Variants in DENND1B observed in about 807,000 individuals in gnomAD.
The protein encoded by DENND1B is DENN domain-containing protein 1B.
In DENND1B, 59 loss-of-function variants were observed where a neutral mutation model predicts 90.1. The observed-to-expected ratio is 0.65, with a 90% CI of 0.53 to 0.81. The LOEUF is 0.81. Ranked by LOEUF, DENND1B falls within the 40% of genes least tolerant of loss-of-function variation. The probability of loss-of-function intolerance (pLI) is 0.00; values close to 1 mark genes in which losing one functional copy is unlikely to be tolerated. For missense variants in DENND1B, 862 were observed against 912.6 expected (o/e 0.94, Z 0.71); for synonymous variants, 337 against 324.6 (o/e 1.04, Z -0.41).
At chr1:197,572,988 C>T (rs184333926) in intron 15 of DENND1B, among the ~76,000 whole-genome samples, 2 of 151,916 alleles carry the variant, frequency 1.3e-5, no homozygotes, top group Non-Finnish European at 2.9e-5. Flanking sequence ...TGGTGATATC[C>T]CCTTTATCAT....
chr1:197,720,273 G>A (rs1301892336), intron 2 of DENND1B, among the ~76,000 whole-genome samples: 3 of 151,978 alleles, frequency 2.0e-5, no homozygotes, highest in African/African-American at 7.2e-5. Flanking sequence ...GTCTCACTCT[G>A]TCACCCAGGG....
chr1:197,683,461 C>T (rs771912113), intron 3 of DENND1B, among the ~76,000 whole-genome samples: 1 of 151,820 alleles, frequency 6.6e-6, no homozygotes, highest in Non-Finnish European at 1.5e-5. Flanking sequence ...TGGTGCTGGC[C>T]TGAAATAAGA....
intron 3 of DENND1B, among the ~76,000 whole-genome samples, chr1:197,690,960 A>G (rs1314877503): frequency 6.6e-6 from 1 of 152,024 alleles, no homozygotes; most frequent in African/African-American, 2.4e-5. Flanking sequence ...AAGACGTGAA[A>G]AGTGTAAAGC....
In DENND1B at chr1:197,509,444, G is replaced by A. The variant is rs1667879336; in HGVS notation, c.*1016C>T. Reference sequence around the variant, plus strand: ...GAATATCAATATTGGTTCACTAATTGGGGCAGATGTACCATAGTAACGTAA... The same window carrying A: ...GAATATCAATATTGGTTCACTAATTAGGGCAGATGTACCATAGTAACGTAA... On this transcript the variant is annotated 3_prime_UTR_variant, in exon 23 of 23. Coordinates refer to ENST00000620048, the MANE Select transcript of DENND1B (RefSeq NM_001195215.2). 6.6e-6 allele frequency: 1 copy of A among 151,694 alleles called. No individual in the cohort carries two copies. Among genetic ancestry groups the A allele is most frequent in the Admixed American group, 6.6e-5 (1 of 15,166 alleles). The allele number at this position is 151,694 out of a possible 1,614,324, so 9.4% of individuals were successfully genotyped here. A position where few individuals can be genotyped will look rare whatever the true frequency, so the allele number is the denominator to read the frequency against.
At chr1:197,579,757 T>C (rs1674031281) in intron 15 of DENND1B, among the ~76,000 whole-genome samples, 1 of 152,196 alleles carries the variant, frequency 6.6e-6, no homozygotes, top group Non-Finnish European at 1.5e-5. Flanking sequence ...CAAATATATC[T>C]TCAGCTTAGC....
Position 197,505,253 on chromosome 1 carries a change from AC to A in DENND1B, c.*5206del, listed in dbSNP as rs1252839687. ...CTCAAAATAACGTTATGGAAGTTAC[AC>A]TGTCAGAAGGATGGTGACTTGACAT... On this transcript the variant is annotated 3_prime_UTR_variant, in exon 23 of 23. Coordinates refer to ENST00000620048, the MANE Select transcript of DENND1B (RefSeq NM_001195215.2). The A allele has an allele frequency of 6.6e-6, 1 of 151,736 alleles. No individual in the cohort carries two copies. The highest frequency in any genetic ancestry group is 1.5e-5 in the Non-Finnish European group (1 of 67,808). 9.4% of individuals were successfully genotyped at this position (151,736 alleles called of 1,614,324 possible). A position where few individuals can be genotyped will look rare whatever the true frequency, so the allele number is the denominator to read the frequency against.
At chr1:197,542,878 A>T (rs534755472) in intron 18 of DENND1B, among the ~76,000 whole-genome samples, 1 of 152,232 alleles carries the variant, frequency 6.6e-6, no homozygotes, top group Admixed American at 6.5e-5. Context: ...AATTCACCTG[A>T]AATTAATTTA....
chr1:197,547,133 T>C (rs1670867963), intron 16 of DENND1B, among the ~76,000 whole-genome samples: 1 of 152,158 alleles, frequency 6.6e-6, no homozygotes, highest in Non-Finnish European at 1.5e-5. Flanking sequence ...CCTGGTGTGG[T>C]GGCTCCCACC....
intron 3 of DENND1B, among the ~76,000 whole-genome samples, chr1:197,703,612 G>A (rs1659249250): frequency 6.6e-6 from 1 of 152,036 alleles, no homozygotes. Context: ...GCACACAAGG[G>A]AATAAAATGT....
chr1:197,674,546 C>G (rs1475687585), intron 3 of DENND1B, among the ~76,000 whole-genome samples: 1 of 152,040 alleles, frequency 6.6e-6, no homozygotes, highest in Non-Finnish European at 1.5e-5. Flanking sequence ...CTGACAGATC[C>G]TGGCTCAAAA....
chr1:197,590,474 T>C (rs1195697944), intron 14 of DENND1B, among the ~76,000 whole-genome samples: 1 of 152,184 alleles, frequency 6.6e-6, no homozygotes, highest in Non-Finnish European at 1.5e-5. Flanking sequence ...AAAATATTCA[T>C]TACTTTATTT....
At chr1:197,645,561 A>T in intron 9 of DENND1B, 129 bp downstream of exon 9, 1 of 474,812 alleles carries the variant, frequency 2.1e-6, no homozygotes. Flanking sequence ...TTATTTCTTC[A>T]TTATTTCTCA....
intron 15 of DENND1B, among the ~76,000 whole-genome samples, chr1:197,569,757 A>G (rs1017498095): frequency 6.6e-6 from 1 of 152,166 alleles, no homozygotes; most frequent in African/African-American, 2.4e-5. Flanking sequence ...CAGAGAACAG[A>G]ATGGTAGTTA....
chr1:197,608,978 AT>A (rs892177429), intron 12 of DENND1B, among the ~76,000 whole-genome samples: 12 of 150,404 alleles, frequency 8.0e-5, no homozygotes, highest in African/African-American at 2.9e-4. Flanking sequence ...AGTGTAACAA[AT>A]TTTTTTAAAT....
intron 15 of DENND1B, 146 bp downstream of exon 15, chr1:197,583,006 T>C (rs896704732): frequency 7.8e-6 from 5 of 640,848 alleles, no homozygotes; most frequent in African/African-American, 7.3e-5. Flanking sequence ...ATGTCATAAC[T>C]AGCTACGACT....
intron 20 of DENND1B, among the ~76,000 whole-genome samples, chr1:197,526,135 T>C (rs541787636): frequency 6.6e-6 from 1 of 152,188 alleles, no homozygotes; most frequent in South Asian, 2.1e-4. Context: ...TAAGATCCTA[T>C]TATACCCCCA....
In DENND1B at chr1:197,506,442, T is replaced by C. The variant is rs892138233; in HGVS notation, c.*4018A>G. On this transcript the variant is annotated 3_prime_UTR_variant, in exon 23 of 23. Transcript: ENST00000620048. ...GGAAACTAGATTTGGGGATTCATTT[T>C]ACATTCTTAAATATTCTGATTTACA... 2 of 151,580 alleles carry C rather than the reference T, an allele frequency of 1.3e-5. No individual in the cohort carries two copies. The highest frequency in any genetic ancestry group is 1.5e-5 in the Non-Finnish European group (1 of 67,632). The allele number at this position is 151,580 out of a possible 1,614,324, so 9.4% of individuals were successfully genotyped here.
chr1:197,690,220 G>A (rs1036628325), intron 3 of DENND1B: 16 of 290,028 alleles, frequency 5.5e-5, no homozygotes, highest in African/African-American at 2.0e-4. Context: ...AAAGATACTC[G>A]TCATGGCAAT....
At chr1:197,529,821 T>G (rs1392382988) in intron 20 of DENND1B, among the ~76,000 whole-genome samples, 1 of 152,142 alleles carries the variant, frequency 6.6e-6, no homozygotes, top group Non-Finnish European at 1.5e-5. Context: ...ATAAAACTGA[T>G]GAAAGAACAT....
Sources: gnomAD v4.1 joint callset for allele counts (sites outside exome capture counted in the v4.1 genomes callset) on GRCh38, gnomAD v4.1.1 for gene constraint, MANE v1.5 for transcripts, NCBI Gene and HGNC (gene_info 2026-07-23, HGNC 2026-07-21) for gene names.